Variants in SPTAN1 observed in about 807,000 individuals in gnomAD.
SPTAN1 encodes spectrin alpha chain, non-erythrocytic 1.
A neutral mutation model predicts 331.3 loss-of-function variants in SPTAN1; 61 were observed. That is an observed-to-expected ratio of 0.18 (90% confidence interval 0.15 to 0.23). SPTAN1 has a LOEUF of 0.23. SPTAN1 is among the 10% of genes least tolerant of loss of function. The pLI, the probability that SPTAN1 is intolerant of heterozygous loss-of-function variation, is 1.00. For synonymous variants in SPTAN1, 1,153 were observed against 1,173.9 expected (o/e 0.98, Z 0.36); for missense variants, 2,043 against 3,147.9 (o/e 0.65, Z 8.40).
Position 128,552,600 on chromosome 9 carries a change from G to A in SPTAN1, c.-100G>A, listed in dbSNP as rs1848249437. On this transcript the variant is annotated 5_prime_UTR_variant, in exon 1 of 57. Transcript: ENST00000372739. This position sits in a 1 kb window ranked among gnomAD's most constrained non-coding sequence, Gnocchi z 4.6. Reference sequence around the variant, plus strand: ...GCGCGCGTCGCCGCCACTACCCGCTGCGGAGTGAACGGTGTGGAGCGGAGG... The same window carrying A: ...GCGCGCGTCGCCGCCACTACCCGCTACGGAGTGAACGGTGTGGAGCGGAGG... 1.3e-5 allele frequency: 2 copies of A among 151,470 alleles called. No individual in the cohort carries two copies. Among genetic ancestry groups the A allele is most frequent in the African/African-American group, 4.8e-5 (2 of 41,310 alleles). The allele number at this position is 151,470 out of a possible 1,614,324, so 9.4% of individuals were successfully genotyped here.
rs372860106 is a variant in SPTAN1 at position 128,582,677 on chromosome 9, G to A, written c.1651-17G>A. On this transcript the variant is annotated splice_polypyrimidine_tract_variant and intron_variant, in intron 13 of 56. Transcript: ENST00000372739. ...GGAGTGAACACTAGAGACTCACAGG[G>A]GATCCTTGTCTTTCAGCTGTTGAGC... The A allele has an allele frequency of 2.0e-4, 319 of 1,612,194 alleles. No homozygotes were observed. The highest frequency in any genetic ancestry group is 4.9e-4 in the Middle Eastern group (3 of 6,078).
chr9:128,576,547 A>C (rs1030025013), intron 5 of SPTAN1, among the ~76,000 whole-genome samples: 1 of 152,204 alleles, frequency 6.6e-6, no homozygotes, highest in African/African-American at 2.4e-5. Context: ...TTGCCAAACT[A>C]TTTATTAACA....
chr9:128,626,928 C>T (rs909857511), intron 49 of SPTAN1: 17 of 628,160 alleles, frequency 2.7e-5, no homozygotes, highest in Non-Finnish European at 4.1e-5. Flanking sequence ...GATCCTCTTG[C>T]CTGAGCCTCT....
rs199802986 is a variant in SPTAN1 at position 128,598,391 on chromosome 9, G to T, written c.3415-9G>T. The T allele has an allele frequency of 5.6e-6, 9 of 1,606,738 alleles. No homozygotes were observed. Among genetic ancestry groups the T allele is most frequent in the South Asian group, 3.3e-5 (3 of 90,332 alleles). ...TTGGGTTTTAGTTATTATGGCTTTT[G>T]CTTTAAAGGACCTGAAGGCCAATGA... On this transcript the variant is annotated splice_polypyrimidine_tract_variant and intron_variant, in intron 24 of 56. Coordinates refer to ENST00000372739, the MANE Select transcript of SPTAN1 (RefSeq NM_001130438.3).
intron 37 of SPTAN1, 66 bp downstream of exon 37, chr9:128,609,731 GATTATTGTT>G: frequency 9.1e-7 from 1 of 1,093,170 alleles, no homozygotes; most frequent in Non-Finnish European, 1.3e-6. Flanking sequence ...ACTCTGCGTA[GATTATTGTT>G]ATTATTGTGG....
chr9:128,555,423 CG>C (rs1455704272), intron 1 of SPTAN1: 3 of 1,288,802 alleles, frequency 2.3e-6, no homozygotes, highest in Non-Finnish European at 3.0e-6. Context: ...ATGCAGAAAA[CG>C]GGTTGCCTTT....
intron 1 of SPTAN1, among the ~76,000 whole-genome samples, chr9:128,564,344 G>A (rs191980199): frequency 7.9e-5 from 12 of 151,854 alleles, no homozygotes; most frequent in Admixed American, 2.6e-4. Flanking sequence ...GCTTGAACCC[G>A]GGATGCAGAG....
intron 1 of SPTAN1, among the ~76,000 whole-genome samples, chr9:128,557,993 C>T (rs376973101): frequency 2.6e-5 from 4 of 151,806 alleles, no homozygotes; most frequent in African/African-American, 4.8e-5. Context: ...TTAGTAGAGA[C>T]GGGGTTTCAC....
At chr9:128,588,199 T>C (rs997767057) in intron 20 of SPTAN1, among the ~76,000 whole-genome samples, 2 of 151,924 alleles carry the variant, frequency 1.3e-5, no homozygotes, top group African/African-American at 4.8e-5. Context: ...GGTTTCACTA[T>C]GTTGGCCGGG....
chr9:128,563,001 T>TATATAC (rs1302779005), intron 1 of SPTAN1, among the ~76,000 whole-genome samples: 2 of 44,064 alleles, frequency 4.5e-5, no homozygotes, highest in Admixed American at 1.9e-4. Context: ...TGTATATATA[T>TATATAC]ATATATATAT....
Position 128,617,691 on chromosome 9 carries a change from C to T in SPTAN1, c.5409C>T (p.Gly1803=), listed in dbSNP as rs768322079. ...GSEDYGRDLT[G]VQNLRKKHKR... ...AGGACTACGGCCGGGACCTAACCGG[C>T]GTGCAGAACCTGAGGAAGAAGCACA... The change falls in exon 42 of 57, where the codon GGC becomes GGT. Residue 1803 remains glycine (G), a synonymous_variant. Transcript: ENST00000372739. 1.7e-5 allele frequency: 28 copies of T among 1,613,954 alleles called. No individual in the cohort carries two copies. Among genetic ancestry groups the T allele is most frequent in the African/African-American group, 4.0e-5 (3 of 74,898 alleles).
chr9:128,603,187 GTT>G (rs891713862), intron 27 of SPTAN1, among the ~76,000 whole-genome samples: 2 of 146,446 alleles, frequency 1.4e-5, no homozygotes. Context: ...TAAATTTAGG[GTT>G]TTTTTTTTTC....
chr9:128,565,314 A>C (rs1274224927), intron 1 of SPTAN1, among the ~76,000 whole-genome samples: 1 of 152,222 alleles, frequency 6.6e-6, no homozygotes, highest in East Asian at 1.9e-4. Flanking sequence ...AAAAAACAAA[A>C]AAAAGCCATA....
intron 2 of SPTAN1, among the ~76,000 whole-genome samples, chr9:128,568,125 G>A (rs1258451864): frequency 6.6e-6 from 1 of 152,178 alleles, no homozygotes; most frequent in Non-Finnish European, 1.5e-5. Context: ...GATTTTTAAA[G>A]AAAATTGTTT....
intron 1 of SPTAN1, among the ~76,000 whole-genome samples, chr9:128,560,632 C>G (rs1013937432): frequency 7.0e-4 from 106 of 151,806 alleles, no homozygotes; most frequent in African/African-American, 2.5e-3. Flanking sequence ...CTGCCCGCCT[C>G]GCCTCCCAAA....
intron 16 of SPTAN1, 128 bp downstream of exon 16, chr9:128,584,097 T>C (rs1852272879): frequency 2.4e-5 from 34 of 1,421,172 alleles, no homozygotes; most frequent in Non-Finnish European, 3.3e-5. Flanking sequence ...TAGATCGCTC[T>C]GTGCTGCATG....
In SPTAN1 at chr9:128,605,131, C is replaced by T. The variant is rs1160926095; in HGVS notation, c.3817C>T (p.Arg1273Cys). The change falls in exon 30 of 57, where the codon CGC (arginine) becomes TGC (cysteine). Residue 1273 changes from arginine (R) to cysteine (C), a missense_variant. Coordinates refer to ENST00000372739, the MANE Select transcript of SPTAN1 (RefSeq NM_001130438.3). ...HDLASVQALQ[R>C]KHEGFERDLA... ...TCTCGCCAGTGTCCAGGCCCTGCAA[C>T]GCAAGCATGAGGGCTTCGAGAGGGA... 4 of 1,613,632 alleles carry T rather than the reference C, an allele frequency of 2.5e-6. No individual in the cohort carries two copies. The highest frequency in any genetic ancestry group is 2.2e-5 in the East Asian group (1 of 44,854).
chr9:128,584,095 T>C (rs541081920), intron 16 of SPTAN1, 126 bp downstream of exon 16: 27 of 1,451,740 alleles, frequency 1.9e-5, no homozygotes, highest in Admixed American at 3.7e-5. Flanking sequence ...CTTAGATCGC[T>C]CTGTGCTGCA....
intron 3 of SPTAN1, 70 bp downstream of exon 3, chr9:128,568,967 T>C (rs1359424680): frequency 1.9e-6 from 3 of 1,603,862 alleles, no homozygotes; most frequent in Non-Finnish European, 2.6e-6. Flanking sequence ...TGCATACATG[T>C]CAGTTTGGGT....
Sources: allele counts gnomAD v4.1 joint callset (sites outside exome capture counted in the v4.1 genomes callset), GRCh38; gene constraint gnomAD v4.1.1; non-coding constraint Gnocchi (gnomAD v3.1); transcripts MANE v1.5; gene names NCBI Gene and HGNC (gene_info 2026-07-23, HGNC 2026-07-21).